The following SPTBN2 variants were observed in gnomAD, a reference collection of about 807,000 sequenced individuals.
SPTBN2 encodes spectrin beta chain, non-erythrocytic 2.
SPTBN2 carries 107 observed loss-of-function variants against 284.2 expected under a neutral mutation model. The ratio of observed to expected loss-of-function variants is 0.38; its 90% CI spans 0.32 to 0.44. The LOEUF (loss-of-function observed/expected upper bound fraction) is 0.44, where lower values mean the gene tolerates loss of function less well. SPTBN2 is among the 20% of genes least tolerant of loss of function. The pLI is 1.00. For synonymous variants in SPTBN2, 1,289 were observed against 1,354.8 expected (o/e 0.95, Z 1.07); for missense variants, 2,569 against 3,287.1 (o/e 0.78, Z 5.34).
At chr11:66,709,065 G>T in intron 10 of SPTBN2, 46 bp from the exon 11 acceptor site, 1 of 1,507,472 alleles carries the variant, frequency 6.6e-7, no homozygotes, top group Non-Finnish European at 9.2e-7. Context: ...GCCCACGAGG[G>T]TCACAAGGAC....
At chr11:66,689,693 G>T in intron 29 of SPTBN2, 112 bp downstream of exon 29, 1 of 1,509,822 alleles carries the variant, frequency 6.6e-7, no homozygotes, top group East Asian at 2.3e-5. Context: ...ACTGAGGGGA[G>T]AGAATGAAAG....
chr11:66,684,987 A>G lies in SPTBN2; in HGVS notation c.*884T>C, dbSNP rs571657697. Among the ~76,000 whole-genome samples the G allele has an allele frequency of 4.1e-4, 63 of 152,212 alleles. No individual in the cohort carries two copies. The highest frequency in any genetic ancestry group is 7.2e-4 in the Non-Finnish European group (49 of 68,042). The stretch of plus-strand genomic sequence containing the variant: ...AAGGAGTCCCTCATTGCTTTTTAAC[A>G]TGAATACTGCTTGTTGACATCATCC... On this transcript the variant is annotated 3_prime_UTR_variant, in exon 38 of 38. Coordinates refer to ENST00000533211, the MANE Select transcript of SPTBN2 (RefSeq NM_006946.4).
Position 66,690,237 on chromosome 11 carries a change from G to A in SPTBN2, c.5612C>T (p.Ala1871Val). The change falls in exon 28 of 38, where the codon GCT (alanine) becomes GTT (valine). Residue 1871 changes from alanine to valine, a missense_variant. Transcript: ENST00000533211. The part of the protein sequence containing the change: ...DDGHRLQKAY[A>V]GDKAEEIGRH... ...GCCGATCTCCTCAGCCTTGTCTCCA[G>A]CGTAGGCCTTCTGGAGCCGGTGGCC... 1.2e-6 allele frequency: 2 copies of A among 1,612,920 alleles called. No individual in the cohort carries two copies. The highest frequency in any genetic ancestry group is 1.7e-6 in the Non-Finnish European group (2 of 1,179,410).
Position 66,701,295 on chromosome 11 carries a change from G to A in SPTBN2, c.2817-13C>T, listed in dbSNP as rs576156068. On this transcript the variant is annotated splice_polypyrimidine_tract_variant and intron_variant, in intron 16 of 37. Coordinates refer to ENST00000533211, the MANE Select transcript of SPTBN2 (RefSeq NM_006946.4). The stretch of plus-strand genomic sequence containing the variant: ...AAACTGCTGCCACCTGAGAGCAGGG[G>A]GAAGGTTCAGCTTCCTGCCCTGGCC... 47 of 1,610,844 alleles carry A rather than the reference G, an allele frequency of 2.9e-5. No individual in the cohort carries two copies. In the African/African-American group the frequency reaches 6.0e-4, roughly 21 times the overall value.
Position 66,694,020 on chromosome 11 carries a change from G to C in SPTBN2, c.4503+119C>G. 4 of 1,370,726 alleles carry C rather than the reference G, an allele frequency of 2.9e-6. No individual in the cohort carries two copies. In the Admixed American group the frequency reaches 5.4e-5, roughly 19 times the overall value. 84.9% of individuals were successfully genotyped at this position (1,370,726 alleles called of 1,614,324 possible). On this transcript the variant is annotated intron_variant, in intron 22 of 37. Coordinates refer to ENST00000533211, the MANE Select transcript of SPTBN2 (RefSeq NM_006946.4). ...CTCCAAGTCTCCCTATAGGGGAGAT[G>C]GTCAATGCCAAAGAGAAGAGGGAAT...
At chr11:66,711,962 T>G (rs975831641) in intron 8 of SPTBN2, among the ~76,000 whole-genome samples, 1 of 152,154 alleles carries the variant, frequency 6.6e-6, no homozygotes, top group African/African-American at 2.4e-5. Flanking sequence ...CCAGTGAACA[T>G]CCACCCAGTG....
chr11:66,698,930 T>C, intron 19 of SPTBN2, 62 bp downstream of exon 19: 1 of 1,606,966 alleles, frequency 6.2e-7, no homozygotes, highest in South Asian at 1.1e-5. Flanking sequence ...GCTGGACTTA[T>C]TCTAGGCTCA....
upstream of SPTBN2, among the ~76,000 whole-genome samples, chr11:66,732,803 TA>T (rs1942822829): frequency 7.1e-6 from 1 of 141,184 alleles, no homozygotes; most frequent in Non-Finnish European, 1.5e-5. Flanking sequence ...TCATCTCTAC[TA>T]AAAATACAAG....
chr11:66,687,319 A>G lies in SPTBN2; in HGVS notation c.6722+108T>C, dbSNP rs1940182588. The G allele has an allele frequency of 6.4e-7, 1 of 1,555,058 alleles. No individual in the cohort carries two copies. The highest frequency in any genetic ancestry group is 1.7e-5 in the Admixed American group (1 of 59,360). On this transcript the variant is annotated intron_variant, in intron 35 of 37. Coordinates refer to ENST00000533211, the MANE Select transcript of SPTBN2 (RefSeq NM_006946.4). This position sits in a 1 kb window ranked among gnomAD's most constrained non-coding sequence, Gnocchi z 5.2. ...CCCCTGAGGCCCCGCTCTGGTCCCA[A>G]GTCCTACCCTTTGCCCAGAAGATGT...
At chr11:66,688,624 G>A in intron 31 of SPTBN2, 29 bp downstream of exon 31, 1 of 1,613,198 alleles carries the variant, frequency 6.2e-7, no homozygotes. Context: ...GCAGGTTGGA[G>A]TGGGCATCCG....
chr11:66,704,012 G>A (rs1344283504), intron 15 of SPTBN2, among the ~76,000 whole-genome samples: 6 of 128,274 alleles, frequency 4.7e-5, no homozygotes, highest in Admixed American at 3.9e-4. Flanking sequence ...TCGCTCTGTC[G>A]CCAAGGCTGG....
chr11:66,730,572 C>T (rs146522574), upstream of SPTBN2, among the ~76,000 whole-genome samples: 39 of 148,968 alleles, frequency 2.6e-4, no homozygotes, highest in African/African-American at 8.7e-4. Flanking sequence ...AAGAACGAGA[C>T]TCCATCTCCA....
At chr11:66,703,972 CTT>C (rs11286358) in intron 15 of SPTBN2, among the ~76,000 whole-genome samples, 40 of 109,746 alleles carry the variant, frequency 3.6e-4, no homozygotes, top group Admixed American at 7.6e-4. Flanking sequence ...TATTTCTTTT[CTT>C]TTTTTTTTTT....
intron 5 of SPTBN2, 144 bp from the exon 6 acceptor site, chr11:66,714,551 G>A (rs762195464): frequency 2.7e-6 from 2 of 733,650 alleles, no homozygotes; most frequent in Non-Finnish European, 4.8e-6. Context: ...TTCAACCTAG[G>A]CCAGGGACCA....
chr11:66,728,237 C>G (rs1942703270), intron 1 of SPTBN2: 1 of 145,214 alleles, frequency 6.9e-6, no homozygotes, highest in South Asian at 2.0e-4. Context: ...GCCTGCAGCC[C>G]GGCCGCGACG....
At position 66,700,529 on chromosome 11, in the gene SPTBN2, G is replaced by C; in HGVS notation, c.3570C>G (p.Ser1190Arg). 6.2e-7 allele frequency: 1 copy of C among 1,603,592 alleles called. No individual in the cohort carries two copies. The highest frequency in any genetic ancestry group is 8.5e-7 in the Non-Finnish European group (1 of 1,179,946). Residue 1190 changes from serine (S) to arginine (R), a missense_variant, in exon 17 of 38, where the codon AGC (serine) becomes AGG (arginine). Ser to Arg is a moderately radical substitution (Grantham distance 110). Coordinates refer to ENST00000533211, the MANE Select transcript of SPTBN2 (RefSeq NM_006946.4). This position sits in a 1 kb window ranked among gnomAD's most constrained non-coding sequence, Gnocchi z 6.6. ...GGACTTTGCCCTGGACTTTCACCTG[G>C]CTGCTGAGCACGCCCTCAGCCTGAC... ...DARQAEGVLS[S>R]QEYVLSHTEM... is the part of the protein sequence containing the mutation.
In SPTBN2 at chr11:66,684,492, G is replaced by A. The variant is rs938378837; in HGVS notation, c.*1379C>T. Among the ~76,000 whole-genome samples, 5 of 152,080 alleles carry A rather than the reference G, an allele frequency of 3.3e-5. No individual in the cohort carries two copies. The highest frequency in any genetic ancestry group is 3.9e-4 in the East Asian group (2 of 5,194). On this transcript the variant is annotated 3_prime_UTR_variant, in exon 38 of 38. Coordinates refer to ENST00000533211, the MANE Select transcript of SPTBN2 (RefSeq NM_006946.4). ...CTACAAAAAACAAACAGACTTAGTCGGGTATGATGGCATGTGCCTGTGGTT... is the reference window on the plus strand; with the variant it reads ...CTACAAAAAACAAACAGACTTAGTCAGGTATGATGGCATGTGCCTGTGGTT...
chr11:66,710,518 C>A lies in SPTBN2; in HGVS notation c.1073+64G>T. On this transcript the variant is annotated intron_variant, in intron 10 of 37. Transcript: ENST00000533211. The surrounding 1 kb of genome is among the most constrained non-coding windows in gnomAD (Gnocchi z 4.9). ...CAAATTTCCCTCCCTGAAGGCTGTG[C>A]TAATTTAGGCTTCCTCTCGTGGGAG... is the stretch of plus-strand genomic sequence containing the variant. 1 of 1,556,090 alleles carries A rather than the reference C, an allele frequency of 6.4e-7. No individual in the cohort carries two copies. Among genetic ancestry groups the A allele is most frequent in the Non-Finnish European group, 8.8e-7 (1 of 1,141,942 alleles).
At chr11:66,705,977 C>T in intron 13 of SPTBN2, 140 bp from the exon 14 acceptor site, 2 of 1,211,484 alleles carry the variant, frequency 1.7e-6, no homozygotes, top group South Asian at 1.4e-5. Context: ...CTTGAGATAC[C>T]CCAGTTCTGC....
Sources: allele counts gnomAD v4.1 joint callset (sites outside exome capture counted in the v4.1 genomes callset), GRCh38; gene constraint gnomAD v4.1.1; non-coding constraint Gnocchi (gnomAD v3.1); transcripts MANE v1.5; gene names NCBI Gene and HGNC (gene_info 2026-07-23, HGNC 2026-07-21).